Variants in CPXM2 observed in about 807,000 individuals in gnomAD.
CPXM2 encodes the protein inactive carboxypeptidase-like protein X2.
CPXM2 carries 66 observed loss-of-function variants against 86.1 expected under a neutral mutation model. That is an observed-to-expected ratio of 0.77 (90% CI 0.63 to 0.94). The LOEUF is 0.94. Ranked by LOEUF, CPXM2 falls within the 40% of genes least tolerant of loss-of-function variation. CPXM2 has a pLI of 0.00. For missense variants in CPXM2, 948 were observed against 1,026.3 expected (o/e 0.92, Z 1.04); for synonymous variants, 388 against 400.2 (o/e 0.97, Z 0.36).
chr10:123,901,712 T>A (rs1049301168), intron 2 of CPXM2, among the ~76,000 whole-genome samples: 2 of 152,284 alleles, frequency 1.3e-5, no homozygotes, highest in Non-Finnish European at 2.9e-5. Context: ...GTCACACACA[T>A]AACTCTGAGT....
chr10:123,868,285 T>C (rs28738772), intron 2 of CPXM2, among the ~76,000 whole-genome samples: 100,867 of 151,964 alleles, frequency 0.66, 34,425 homozygotes, highest in African/African-American at 0.74. Flanking sequence ...TGCACCCTGG[T>C]CTTTGGACCC....
intron 2 of CPXM2, among the ~76,000 whole-genome samples, chr10:123,873,174 A>ATT (rs1490102184): frequency 6.8e-6 from 1 of 147,914 alleles, no homozygotes; most frequent in Non-Finnish European, 1.5e-5. Flanking sequence ...ATAATATGTG[A>ATT]TTAACAAGAG....
chr10:123,926,242 C>T (rs1284837667), intron 2 of CPXM2, among the ~76,000 whole-genome samples: 3 of 152,232 alleles, frequency 2.0e-5, no homozygotes, highest in African/African-American at 7.2e-5. Flanking sequence ...CGGGTCTTAC[C>T]ATGGAAATGG....
At chr10:123,844,001 A>G (rs1848442483) in intron 3 of CPXM2, among the ~76,000 whole-genome samples, 1 of 152,148 alleles carries the variant, frequency 6.6e-6, no homozygotes, top group South Asian at 2.1e-4. Context: ...TTCTGAGCAC[A>G]CTGGACAGTC....
intron 2 of CPXM2, among the ~76,000 whole-genome samples, chr10:123,910,379 G>A (rs1279416371): frequency 6.6e-6 from 1 of 152,142 alleles, no homozygotes; most frequent in Non-Finnish European, 1.5e-5. Context: ...CACCCGGACA[G>A]AACCCTTTCA....
intron 2 of CPXM2, among the ~76,000 whole-genome samples, chr10:123,900,145 A>C (rs188597956): frequency 6.6e-6 from 1 of 152,262 alleles, no homozygotes; most frequent in African/African-American, 2.4e-5. Context: ...AGGTTCAAGC[A>C]ATTCTCCTGC....
chr10:123,853,829 C>T (rs1042289134), intron 3 of CPXM2, among the ~76,000 whole-genome samples: 2 of 152,014 alleles, frequency 1.3e-5, no homozygotes, highest in African/African-American at 4.8e-5. Context: ...CACTTGAACC[C>T]GGGAGGTGGA....
chr10:123,801,320 C>G (rs973177409), intron 4 of CPXM2, among the ~76,000 whole-genome samples: 1 of 152,192 alleles, frequency 6.6e-6, no homozygotes, highest in East Asian at 1.9e-4. Context: ...GCTCCTCTTT[C>G]GCTTTCCACC....
chr10:123,774,478 T>C (rs1044601106), intron 7 of CPXM2, among the ~76,000 whole-genome samples: 2 of 152,264 alleles, frequency 1.3e-5, no homozygotes, highest in Non-Finnish European at 1.5e-5. Flanking sequence ...TGGAGTTATA[T>C]GGCTGTGTGC....
At chr10:123,914,707 A>G (rs1250961199) in intron 2 of CPXM2, among the ~76,000 whole-genome samples, 1 of 152,126 alleles carries the variant, frequency 6.6e-6, no homozygotes, top group African/African-American at 2.4e-5. Flanking sequence ...TCAGCTTCCA[A>G]CGTATACCAT....
intron 11 of CPXM2, 42 bp downstream of exon 11, chr10:123,761,830 C>A: frequency 6.3e-7 from 1 of 1,586,978 alleles, no homozygotes; most frequent in Middle Eastern, 2.1e-4. Flanking sequence ...CTGCAGCGTC[C>A]TCCTGCGCCC....
chr10:123,820,498 T>C (rs1847902459), intron 4 of CPXM2, among the ~76,000 whole-genome samples: 1 of 152,236 alleles, frequency 6.6e-6, no homozygotes, highest in Non-Finnish European at 1.5e-5. Context: ...TGTTTTGGCC[T>C]ATGAAGGCCT....
intron 9 of CPXM2, 128 bp downstream of exon 9, chr10:123,768,398 A>G: frequency 2.2e-6 from 1 of 450,636 alleles, no homozygotes. Flanking sequence ...TAAATAAATA[A>G]ATAAATAAAT....
intron 1 of CPXM2, among the ~76,000 whole-genome samples, chr10:123,883,868 G>A (rs574700048): frequency 6.6e-6 from 1 of 152,256 alleles, no homozygotes; most frequent in South Asian, 2.1e-4. Context: ...GCAGATGAAA[G>A]AAGAAAGCAA....
intron 4 of CPXM2, among the ~76,000 whole-genome samples, chr10:123,821,451 G>A (rs960197807): frequency 1.3e-5 from 2 of 152,168 alleles, no homozygotes; most frequent in Admixed American, 6.5e-5. Flanking sequence ...TCATAGGATC[G>A]GCCACTGGAG....
chr10:123,790,367 G>A (rs1847178804), intron 6 of CPXM2, among the ~76,000 whole-genome samples: 3 of 151,636 alleles, frequency 2.0e-5, no homozygotes, highest in Non-Finnish European at 2.9e-5. Context: ...TCAGGATGGA[G>A]CAGGTGACTA....
intron 9 of CPXM2, among the ~76,000 whole-genome samples, chr10:123,768,136 C>G (rs1341064395): frequency 6.6e-6 from 1 of 152,124 alleles, no homozygotes; most frequent in African/African-American, 2.4e-5. Context: ...ACCTGTAATC[C>G]CAGCACTTTG....
At chr10:123,758,838 G>A (rs535016466) in intron 11 of CPXM2, among the ~76,000 whole-genome samples, 47 of 152,234 alleles carry the variant, frequency 3.1e-4, no homozygotes, top group Non-Finnish European at 5.4e-4. Flanking sequence ...GGAGTGTTCT[G>A]TGCCTTGGAC....
At chr10:123,855,873 GCT>G (rs1464347316) in intron 3 of CPXM2, among the ~76,000 whole-genome samples, 2 of 152,152 alleles carry the variant, frequency 1.3e-5, no homozygotes, top group Non-Finnish European at 2.9e-5. Flanking sequence ...TGGGGAAATG[GCT>G]CTGACAGACA....
Sources: allele counts gnomAD v4.1 joint callset (sites outside exome capture counted in the v4.1 genomes callset), GRCh38; gene constraint gnomAD v4.1.1; transcripts MANE v1.5; gene names NCBI Gene and HGNC (gene_info 2026-07-23, HGNC 2026-07-21).